TENM4: variants seen among roughly 807,000 people sequenced by gnomAD.
TENM4 encodes teneurin-4.
TENM4 carries 82 observed loss-of-function variants against 243.3 expected under a neutral mutation model. That is an observed-to-expected ratio of 0.34 (90% CI 0.28 to 0.40). The LOEUF (loss-of-function observed/expected upper bound fraction) is 0.40, where lower values mean the gene tolerates loss of function less well. TENM4 is among the 10% of genes least tolerant of loss of function. The probability of loss-of-function intolerance (pLI) is 1.00; values close to 1 mark genes in which losing one functional copy is unlikely to be tolerated. For missense variants in TENM4, 3,138 were observed against 3,673.3 expected (o/e 0.85, Z 3.77); for synonymous variants, 1,412 against 1,456.3 (o/e 0.97, Z 0.69).
Position 78,963,029 on chromosome 11 carries a change from C to CA in TENM4, c.494-59507_494-59506insT, listed in dbSNP as rs1857365440. ...GACCCTTAGGAAATTTTGTTCATGT[C>CA]TTTATATTCAGAATCTAACATAATG... On this transcript the variant is annotated intron_variant, in intron 6 of 33. Transcript: ENST00000278550. 3.3e-5 allele frequency among the ~76,000 whole-genome samples: 5 copies of CA among 152,312 alleles called. No homozygotes were observed. The South Asian group carries it at 1.0e-3, about 32-fold the overall frequency.
intron 1 of TENM4, among the ~76,000 whole-genome samples, chr11:79,406,520 G>A (rs1858576843): frequency 6.6e-6 from 1 of 152,160 alleles, no homozygotes; most frequent in South Asian, 2.1e-4. Context: ...AAATCAGAAA[G>A]ATTAAAGAGG....
chr11:79,291,447 TG>T (rs560018071), intron 2 of TENM4, among the ~76,000 whole-genome samples: 3 of 152,010 alleles, frequency 2.0e-5, no homozygotes, highest in Non-Finnish European at 4.4e-5. Flanking sequence ...AGCATGGTCA[TG>T]GGGGGGTGTG....
intron 1 of TENM4, among the ~76,000 whole-genome samples, chr11:79,303,389 C>G (rs878947987): frequency 6.6e-6 from 1 of 152,128 alleles, no homozygotes; most frequent in Non-Finnish European, 1.5e-5. Context: ...AGTACCTACC[C>G]CTGGGTTGCT....
At chr11:78,764,019 C>A (rs1390495344) in intron 18 of TENM4, among the ~76,000 whole-genome samples, 1 of 149,476 alleles carries the variant, frequency 6.7e-6, no homozygotes, top group Non-Finnish European at 1.5e-5. Context: ...GCCCTTGGGC[C>A]CCTCATTTCC....
intron 4 of TENM4, among the ~76,000 whole-genome samples, chr11:79,135,920 G>A (rs1862101747): frequency 6.6e-6 from 1 of 151,680 alleles, no homozygotes; most frequent in East Asian, 1.9e-4. Flanking sequence ...ATTATTCTAA[G>A]TGAAGAAACT....
Position 78,672,153 on chromosome 11 carries a change from A to T in TENM4, c.5673T>A (p.Gly1891=). 6.2e-7 allele frequency: 1 copy of T among 1,613,784 alleles called. No individual in the cohort carries two copies. Reference sequence around the variant, plus strand: ...TGCCCCTCTGGATGCCAGCAATGTAACCCCCAGGGGAGTATGTCACGTTGA... The same window carrying T: ...TGCCCCTCTGGATGCCAGCAATGTATCCCCCAGGGGAGTATGTCACGTTGA... ...NGVNVTYSPG[G]YIAGIQRGIM... Residue 1891 remains glycine (G), a synonymous_variant, in exon 31 of 34, where the codon GGT becomes GGA. Coordinates refer to ENST00000278550, the MANE Select transcript of TENM4 (RefSeq NM_001098816.3).
In TENM4 at chr11:78,856,153, C is replaced by T. The variant is rs1858675342; in HGVS notation, c.1281G>A (p.Glu427=). The change falls in exon 11 of 34, where the codon GAG becomes GAA. Residue 427 remains glutamate (E), a synonymous_variant. Coordinates refer to ENST00000278550, the MANE Select transcript of TENM4 (RefSeq NM_001098816.3). ...TEGKPSSFFP[E]DSFIDSGEID... ...TTTCTCCAGAATCTATGAAACTGTC[C>T]TCTGGAAAGAAACTACTGGGCTTTC... 1.3e-6 allele frequency: 2 copies of T among 1,551,430 alleles called. No homozygotes were observed. The highest frequency in any genetic ancestry group is 3.9e-5 in the Admixed American group (2 of 50,972).
chr11:79,439,541 A>G (rs1244027237), intron 1 of TENM4, among the ~76,000 whole-genome samples: 1 of 152,104 alleles, frequency 6.6e-6, no homozygotes, highest in Non-Finnish European at 1.5e-5. Context: ...GGGCAGGCAG[A>G]GAAGGGGCGG....
chr11:79,230,386 G>A (rs780172455), intron 2 of TENM4, among the ~76,000 whole-genome samples: 7 of 152,092 alleles, frequency 4.6e-5, no homozygotes, highest in Non-Finnish European at 8.8e-5. Context: ...CTAGACTTCC[G>A]ATCTTGAACA....
At position 79,197,753 on chromosome 11, in the gene TENM4, C is replaced by T. The variant is rs1452854303; in HGVS notation, c.-163+18055G>A. Among the ~76,000 whole-genome samples the T allele has an allele frequency of 7.2e-5, 11 of 152,168 alleles. No individual in the cohort carries two copies. In the East Asian group the frequency reaches 9.6e-4, roughly 13 times the overall value. The stretch of plus-strand genomic sequence containing the variant: ...TAAAATGCATTGTTTTGCTGGGGGA[C>T]GTGGTGGGGGGAAACCTGGCTTTCT... On this transcript the variant is annotated intron_variant, in intron 3 of 33. Coordinates refer to ENST00000278550, the MANE Select transcript of TENM4 (RefSeq NM_001098816.3).
chr11:78,737,868 T>C (rs1009490607), intron 20 of TENM4, among the ~76,000 whole-genome samples: 1 of 152,230 alleles, frequency 6.6e-6, no homozygotes, highest in Non-Finnish European at 1.5e-5. Flanking sequence ...CCATTCACCA[T>C]ATCTTCTAAC....
At chr11:79,169,162 A>C (rs948199809) in intron 3 of TENM4, among the ~76,000 whole-genome samples, 1 of 152,244 alleles carries the variant, frequency 6.6e-6, no homozygotes, top group African/African-American at 2.4e-5. Flanking sequence ...AGCCTAGCCA[A>C]GCTTTATCTA....
chr11:78,875,806 T>C (rs1033064985), intron 9 of TENM4, among the ~76,000 whole-genome samples: 2 of 152,168 alleles, frequency 1.3e-5, no homozygotes, highest in African/African-American at 4.8e-5. Flanking sequence ...AATGAGGAAA[T>C]ACATGTAACA....
intron 1 of TENM4, among the ~76,000 whole-genome samples, chr11:79,421,555 T>C (rs1858931201): frequency 6.6e-6 from 1 of 152,024 alleles, no homozygotes; most frequent in Non-Finnish European, 1.5e-5. Context: ...CCAGAGAGAG[T>C]TCATATTATA....
Position 78,942,259 on chromosome 11 carries a change from CAAAAAAAAAAAAAAAAAAAAAAAAAAA to C in TENM4, c.494-38763_494-38737del, listed in dbSNP as rs56973257. The stretch of plus-strand genomic sequence containing the variant: ...TGAAACCCATCTCTACAAAATACAC[CAAAAAAAAAAAAAAAAAAAAAAAAAAA>C]AAAAAAAAAAAAAAGCTGGGCATGG... On this transcript the variant is annotated intron_variant, in intron 6 of 33. Transcript: ENST00000278550. Among the ~76,000 whole-genome samples the C allele has an allele frequency of 8.9e-4, 10 of 11,218 alleles. No individual in the cohort carries two copies. The East Asian group carries it at 0.021, about 23-fold the overall frequency. 7.4% of individuals were successfully genotyped at this position (11,218 alleles called of 152,430 possible).
At position 79,220,489 on chromosome 11, in the gene TENM4, A is replaced by G. The variant is rs76281767; in HGVS notation, c.-264-4580T>C. Among the ~76,000 whole-genome samples, 8 of 152,142 alleles carry G rather than the reference A, an allele frequency of 5.3e-5. 1 individual carries two copies. Among genetic ancestry groups the G allele is most frequent in the African/African-American group, 1.9e-4 (8 of 41,420 alleles). ...TATTAAATAGGAATAAAAATAATGG[A>G]CTAGAGAGAATAAGTACCTGACCCT... On this transcript the variant is annotated intron_variant, in intron 2 of 33. Coordinates refer to ENST00000278550, the MANE Select transcript of TENM4 (RefSeq NM_001098816.3).
chr11:79,086,998 A>C (rs1217813139), intron 4 of TENM4, among the ~76,000 whole-genome samples: 1 of 152,166 alleles, frequency 6.6e-6, no homozygotes, highest in Non-Finnish European at 1.5e-5. Context: ...ATATTTAAGT[A>C]GTTGCTTAAT....
At chr11:79,162,794 G>C (rs960279772) in intron 3 of TENM4, among the ~76,000 whole-genome samples, 1 of 152,158 alleles carries the variant, frequency 6.6e-6, no homozygotes, top group African/African-American at 2.4e-5. Context: ...CTGGCTCCCA[G>C]GCAGTGTGCA....
chr11:79,327,509 T>C (rs927642623), intron 1 of TENM4, among the ~76,000 whole-genome samples: 1 of 152,214 alleles, frequency 6.6e-6, no homozygotes, highest in African/African-American at 2.4e-5. Context: ...AATCTTAAAG[T>C]TCATAGTGAG....
Sources: allele counts gnomAD v4.1 joint callset (sites outside exome capture counted in the v4.1 genomes callset), GRCh38; gene constraint gnomAD v4.1.1; transcripts MANE v1.5; gene names NCBI Gene and HGNC (gene_info 2026-07-23, HGNC 2026-07-21).